The following CFAP47 variants were observed in gnomAD, a reference collection of about 807,000 sequenced individuals.
The protein encoded by CFAP47 is cilia- and flagella-associated protein 47.
Under a neutral mutation model 148.1 loss-of-function variants are expected in CFAP47, and 29 were observed. The ratio of observed to expected loss-of-function variants is 0.20; its 90% confidence interval spans 0.15 to 0.27. The LOEUF is 0.27. Ranked by LOEUF, CFAP47 falls within the 10% of genes least tolerant of loss-of-function variation. The pLI is 1.00. For synonymous variants in CFAP47, 664 were observed against 577.3 expected, an observed-to-expected ratio of 1.15 and a Z score of -2.15; for missense variants, 1,872 against 1,697.5, an observed-to-expected ratio of 1.10 and a Z score of -1.81.
chrX:35,976,633 G>T lies in CFAP47; in HGVS notation c.2713+720G>T, dbSNP rs140139883. Among the ~76,000 whole-genome samples, 923 of 111,198 alleles carry T rather than the reference G, an allele frequency of 8.3e-3. 11 individuals carry two copies. Among genetic ancestry groups the T allele is most frequent in the African/African-American group, 0.029 (886 of 30,574 alleles). ...TTGACAGATAAAATTGATCATCACA[G>T]ATACTTATGGACAAAATAAATTTTG... On this transcript the variant is annotated intron_variant, in intron 15 of 63. Transcript: ENST00000378653.
chrX:35,945,237 A>G (rs1275147310), intron 3 of CFAP47, among the ~76,000 whole-genome samples: 1 of 111,995 alleles, frequency 8.9e-6, no homozygotes, highest in Non-Finnish European at 1.9e-5. Context: ...TGGCATATAT[A>G]ACTTTTCAGT....
At chrX:36,288,827 G>A (rs1556005070) in intron 51 of CFAP47, among the ~76,000 whole-genome samples, 1 of 111,027 alleles carries the variant, frequency 9.0e-6, no homozygotes, top group African/African-American at 3.3e-5. Context: ...GAGCTCGGGA[G>A]TTTGAGACCA....
At chrX:36,156,246 T>G (rs993635751) in intron 37 of CFAP47, among the ~76,000 whole-genome samples, 1 of 110,971 alleles carries the variant, frequency 9.0e-6, no homozygotes, top group Non-Finnish European at 1.9e-5. Flanking sequence ...TTTATCATTA[T>G]AAGATATTAT....
intron 49 of CFAP47, among the ~76,000 whole-genome samples, chrX:36,273,962 C>T (rs1238815304): frequency 9.0e-6 from 1 of 111,671 alleles, no homozygotes; most frequent in Non-Finnish European, 1.9e-5. Flanking sequence ...TGGCATACTT[C>T]TAAGATATAT....
intron 4 of CFAP47, among the ~76,000 whole-genome samples, chrX:35,948,802 T>C (rs73629582): frequency 0.085 from 8,126 of 95,592 alleles, 873 homozygotes; most frequent in African/African-American, 0.31. Context: ...TGTGTGTGCG[T>C]GTGTGTGTGT....
At chrX:35,927,997 TTATA>T (rs146298634) in intron 2 of CFAP47, among the ~76,000 whole-genome samples, 3 of 102,964 alleles carry the variant, frequency 2.9e-5, no homozygotes, top group East Asian at 3.0e-4. Flanking sequence ...GTATTCTATT[TTATA>T]TATATATATA....
chrX:36,213,957 G>A (rs1429423002), intron 45 of CFAP47, among the ~76,000 whole-genome samples: 2 of 111,808 alleles, frequency 1.8e-5, no homozygotes, highest in South Asian at 3.7e-4. Flanking sequence ...TACATGAGCC[G>A]TTGCCTCAGT....
intron 39 of CFAP47, among the ~76,000 whole-genome samples, chrX:36,168,573 A>ATT (rs200474258): frequency 1.0e-4 from 11 of 108,957 alleles, no homozygotes; most frequent in African/African-American, 3.7e-4. Context: ...TTTTACGCTT[A>ATT]TTTTTTTTTG....
At chrX:36,203,020 T>C (rs1233101490) in intron 44 of CFAP47, among the ~76,000 whole-genome samples, 1 of 111,994 alleles carries the variant, frequency 8.9e-6, no homozygotes, top group Non-Finnish European at 1.9e-5. Flanking sequence ...AGAAATTATT[T>C]ATTTTTTTAT....
intron 57 of CFAP47, among the ~76,000 whole-genome samples, chrX:36,343,036 C>T (rs1420952049): frequency 9.0e-6 from 1 of 111,203 alleles, no homozygotes; most frequent in African/African-American, 3.3e-5. Context: ...TTGTTCAACT[C>T]CCACTTATGA....
chrX:35,989,227 A>G (rs952626400), intron 15 of CFAP47, 92 bp from the exon 16 acceptor site: 3 of 693,152 alleles, frequency 4.3e-6, no homozygotes, highest in African/African-American at 4.4e-5. Context: ...ATGCAATCAC[A>G]TTTTTACCTT....
intron 26 of CFAP47, among the ~76,000 whole-genome samples, chrX:36,049,501 C>CTT (rs1937506972): frequency 3.7e-5 from 4 of 106,910 alleles, no homozygotes; most frequent in African/African-American, 1.3e-4. Flanking sequence ...CACACACACA[C>CTT]ACACACACAC....
chrX:36,073,046 G>T (rs191338118), intron 28 of CFAP47, 93 bp from the exon 29 acceptor site: 1 of 554,200 alleles, frequency 1.8e-6, no homozygotes. Context: ...TGTAGAATAG[G>T]TTCTATTAGT....
At chrX:36,237,285 T>G (rs1323420980) in intron 48 of CFAP47, among the ~76,000 whole-genome samples, 2 of 112,345 alleles carry the variant, frequency 1.8e-5, no homozygotes, top group Non-Finnish European at 3.8e-5. Flanking sequence ...AAGGAATGCA[T>G]AATTGTTTAC....
chrX:36,385,162 C>T lies in CFAP47; in HGVS notation c.*156C>T, dbSNP rs1443629350. 1 of 415,633 alleles carries T rather than the reference C, an allele frequency of 2.4e-6. No individual in the cohort carries two copies. The highest frequency in any genetic ancestry group is 4.1e-6 in the Non-Finnish European group (1 of 241,328). 34.3% of individuals were successfully genotyped at this position (415,633 alleles called of 1,213,427 possible). A position where few individuals can be genotyped will look rare whatever the true frequency, so the allele number is the denominator to read the frequency against. ...CAATCTGTTCTCTGAATATATTATA[C>T]TTCATTTGTGAGTTATGAATGTTTT... is the stretch of plus-strand genomic sequence containing the variant. On this transcript the variant is annotated 3_prime_UTR_variant, in exon 64 of 64. Coordinates refer to ENST00000378653, the MANE Select transcript of CFAP47 (RefSeq NM_001304548.2).
intron 33 of CFAP47, among the ~76,000 whole-genome samples, chrX:36,107,360 T>TTAG (rs763885735): frequency 1.8e-5 from 2 of 112,367 alleles, no homozygotes; most frequent in South Asian, 7.3e-4. Flanking sequence ...TTTAATAATG[T>TTAG]TAGATACAAC....
chrX:36,169,728 G>C lies in CFAP47; in HGVS notation c.6026+8959G>C, dbSNP rs1939541975. ...CATATTTTGGGGATCAGGCAAGTTA[G>C]TTTAATCCAACACATGGGCATCTTT... On this transcript the variant is annotated intron_variant, in intron 39 of 63. Transcript: ENST00000378653. Among the ~76,000 whole-genome samples the C allele has an allele frequency of 4.5e-5, 5 of 111,103 alleles. No individual in the cohort carries two copies. The South Asian group carries it at 1.5e-3, about 34-fold the overall frequency.
intron 13 of CFAP47, among the ~76,000 whole-genome samples, chrX:35,972,534 A>G (rs1004412185): frequency 1.8e-5 from 2 of 111,541 alleles, no homozygotes; most frequent in Non-Finnish European, 3.8e-5. Flanking sequence ...CACCCCGCCC[A>G]GTTACTATTT....
rs183662265 is a variant in CFAP47 at position 35,924,327 on chromosome X, A to G, written c.250-1690A>G. Among the ~76,000 whole-genome samples the G allele has an allele frequency of 9.4e-5, 10 of 106,350 alleles. No individual in the cohort carries two copies. The South Asian group carries it at 2.4e-3, about 25-fold the overall frequency. The allele number at this position is 106,350 out of a possible 115,157, so 92.4% of individuals were successfully genotyped here. A position where few individuals can be genotyped will look rare whatever the true frequency, so the allele number is the denominator to read the frequency against. On this transcript the variant is annotated intron_variant, in intron 1 of 63. Coordinates refer to ENST00000378653, the MANE Select transcript of CFAP47 (RefSeq NM_001304548.2). ...TATGTATATATGTACATGTATGTGT[A>G]TATGTGTACATATATGTGTGCATAT...
Sources: allele counts gnomAD v4.1 joint callset (sites outside exome capture counted in the v4.1 genomes callset), GRCh38; gene constraint gnomAD v4.1.1; transcripts MANE v1.5; gene names NCBI Gene and HGNC (gene_info 2026-07-23, HGNC 2026-07-21).